Variants in TCF4 observed in about 807,000 individuals in gnomAD.
TCF4 encodes SL3-3 enhancer factor 2.
A neutral mutation model predicts 82.1 loss-of-function variants in TCF4; 3 were observed. The observed-to-expected ratio is 0.04, with a 90% CI of 0.02 to 0.09. The LOEUF (loss-of-function observed/expected upper bound fraction) is 0.09. Among genes scored for constraint, TCF4 ranks in the 10% least tolerant of loss-of-function variants. TCF4 has a pLI of 1.00. For synonymous variants in TCF4, 276 were observed against 309.6 expected (o/e 0.89, Z 1.14); for missense variants, 518 against 852.7 (o/e 0.61, Z 4.89).
At chr18:55,564,241 C>A (rs2097381344) in intron 3 of TCF4, among the ~76,000 whole-genome samples, 1 of 152,112 alleles carries the variant, frequency 6.6e-6, no homozygotes, top group South Asian at 2.1e-4. Context: ...TATACAGCAG[C>A]AGAAGGAAAC....
intron 3 of TCF4, among the ~76,000 whole-genome samples, chr18:55,475,348 T>C (rs2096268304): frequency 6.6e-6 from 1 of 152,204 alleles, no homozygotes; most frequent in African/African-American, 2.4e-5. Flanking sequence ...GATATAATAC[T>C]ACAATAGTGG....
chr18:55,587,464 G>A (rs1009742444), intron 1 of TCF4, among the ~76,000 whole-genome samples: 4 of 144,858 alleles, frequency 2.8e-5, no homozygotes, highest in Non-Finnish European at 6.0e-5. Flanking sequence ...CCGCTCTTCA[G>A]CGCATCATTT....
chr18:55,239,575 T>C (rs1226677632), intron 15 of TCF4, among the ~76,000 whole-genome samples: 2 of 152,186 alleles, frequency 1.3e-5, no homozygotes, highest in Admixed American at 6.5e-5. Flanking sequence ...TACGTACATA[T>C]ATAGATAGAG....
At chr18:55,370,596 G>T (rs1332331064) in intron 6 of TCF4, among the ~76,000 whole-genome samples, 1 of 152,108 alleles carries the variant, frequency 6.6e-6, no homozygotes, top group Non-Finnish European at 1.5e-5. Context: ...GCTCACCATG[G>T]CGATGTTTTT....
chr18:55,565,310 A>G (rs1477329187), intron 3 of TCF4, among the ~76,000 whole-genome samples: 1 of 152,166 alleles, frequency 6.6e-6, no homozygotes. Flanking sequence ...AACATTAAAA[A>G]AAAAAAAAAT....
At chr18:55,284,200 C>T (rs578155304) in intron 8 of TCF4, 1 of 152,086 alleles carries the variant, frequency 6.6e-6, no homozygotes. Context: ...ATAACGAAGT[C>T]AGGAGTTCGA....
intron 8 of TCF4, chr18:55,302,344 C>T (rs1025071366): frequency 1.5e-6 from 2 of 1,363,918 alleles, no homozygotes; most frequent in Non-Finnish European, 2.0e-6. Flanking sequence ...GTCAAAGCAG[C>T]ACAGTGCAGC....
chr18:55,407,337 C>G (rs955762119), intron 5 of TCF4, among the ~76,000 whole-genome samples: 1 of 152,084 alleles, frequency 6.6e-6, no homozygotes, highest in African/African-American at 2.4e-5. Context: ...ACATGTAATA[C>G]TATGTCACAA....
chr18:55,595,897 C>T (rs1555787518), intron 2 of TCF4, among the ~76,000 whole-genome samples: 2 of 152,016 alleles, frequency 1.3e-5, no homozygotes, highest in Admixed American at 6.6e-5. Context: ...GTCTGTACGT[C>T]GGTGGTCTCG....
chr18:55,416,459 T>A (rs2094528565), intron 5 of TCF4, among the ~76,000 whole-genome samples: 1 of 152,200 alleles, frequency 6.6e-6, no homozygotes, highest in Non-Finnish European at 1.5e-5. Context: ...TCATTTCACT[T>A]GATCTTAGCC....
At chr18:55,247,082 A>C (rs1255108971) in intron 15 of TCF4, among the ~76,000 whole-genome samples, 2 of 152,188 alleles carry the variant, frequency 1.3e-5, no homozygotes, top group African/African-American at 2.4e-5. Flanking sequence ...TGACAACGCT[A>C]CGGACAAAAT....
chr18:55,380,860 T>C lies in TCF4; in HGVS notation c.369+22594A>G, dbSNP rs1279699388. On this transcript the variant is annotated intron_variant, in intron 6 of 19. Transcript: ENST00000354452. The stretch of plus-strand genomic sequence containing the variant: ...TCAGTTTTAGGTCTTAAAAACTAAA[T>C]TGCTTCAGGAGCTGGTAGGAAAGTA... 2.0e-5 allele frequency among the ~76,000 whole-genome samples: 3 copies of C among 152,190 alleles called. No individual in the cohort carries two copies. The East Asian group carries it at 5.8e-4, about 29-fold the overall frequency.
intron 1 of TCF4, 46 bp downstream of exon 1, chr18:55,587,992 G>T (rs1434705379): frequency 5.1e-6 from 5 of 979,350 alleles, no homozygotes; most frequent in Non-Finnish European, 4.8e-6. Flanking sequence ...ACCCCGCGCC[G>T]CCGGGCGCCT....
intron 6 of TCF4, among the ~76,000 whole-genome samples, chr18:55,377,838 A>C (rs1363518303): frequency 1.3e-5 from 2 of 152,258 alleles, no homozygotes; most frequent in African/African-American, 4.8e-5. Flanking sequence ...TTGTGAAACA[A>C]GACACATTGC....
chr18:55,229,239 C>T, intron 17 of TCF4, 163 bp from the exon 18 acceptor site: 1 of 748,696 alleles, frequency 1.3e-6, no homozygotes, highest in Non-Finnish European at 2.3e-6. Context: ...GTTTAGATGG[C>T]TTTGACAGTT....
intron 8 of TCF4, among the ~76,000 whole-genome samples, chr18:55,334,810 C>T (rs1015519128): frequency 6.6e-6 from 1 of 150,688 alleles, no homozygotes; most frequent in Non-Finnish European, 1.5e-5. Flanking sequence ...TCTTCAGTGA[C>T]TAAGAAGCTC....
chr18:55,237,626 C>G (rs893114113), intron 15 of TCF4, among the ~76,000 whole-genome samples: 2 of 51,032 alleles, frequency 3.9e-5, no homozygotes, highest in South Asian at 7.2e-4. Flanking sequence ...CCCACCACCA[C>G]GCCGGCTAAT....
At chr18:55,350,265 G>A (rs1603281277) in intron 8 of TCF4, 94 bp downstream of exon 8, 1 of 1,320,876 alleles carries the variant, frequency 7.6e-7, no homozygotes. Context: ...TGCTGCTCTG[G>A]GCGCATGGAA....
intron 6 of TCF4, chr18:55,401,058 A>G (rs920290824): frequency 7.8e-7 from 1 of 1,289,092 alleles, no homozygotes; most frequent in East Asian, 5.5e-5. Flanking sequence ...CTTGAAGCCC[A>G]AGATACTGAG....
Sources: allele counts gnomAD v4.1 joint callset (sites outside exome capture counted in the v4.1 genomes callset), GRCh38; gene constraint gnomAD v4.1.1; transcripts MANE v1.5; gene names NCBI Gene and HGNC (gene_info 2026-07-23, HGNC 2026-07-21).